Variants in STIM1 observed in about 807,000 individuals in gnomAD.
The protein encoded by STIM1 is stromal interaction molecule 1.
Under a neutral mutation model 74.7 loss-of-function variants are expected in STIM1, and 25 were observed. The observed-to-expected ratio is 0.33, with a 90% CI of 0.24 to 0.47. The LOEUF (loss-of-function observed/expected upper bound fraction) is 0.47. STIM1 is among the 20% of genes least tolerant of loss of function. STIM1 has a pLI of 1.00. For missense variants in STIM1, 728 were observed against 920.8 expected (o/e 0.79, Z 2.71); for synonymous variants, 328 against 348.8 (o/e 0.94, Z 0.66).
intron 1 of STIM1, among the ~76,000 whole-genome samples, chr11:3,955,798 G>A (rs925782095): frequency 6.6e-6 from 1 of 152,018 alleles, no homozygotes. Context: ...CTGCTATGCA[G>A]CCAGGGTTGA....
At chr11:3,875,150 TTTTG>T (rs1037180683) in intron 1 of STIM1, among the ~76,000 whole-genome samples, 54 of 152,088 alleles carry the variant, frequency 3.6e-4, no homozygotes, top group Non-Finnish European at 1.8e-4. Context: ...GGTGCTTGGA[TTTTG>T]TTTGTTTGGT....
chr11:3,885,973 G>C (rs765529640), intron 1 of STIM1, among the ~76,000 whole-genome samples: 2 of 152,178 alleles, frequency 1.3e-5, no homozygotes, highest in African/African-American at 4.8e-5. Context: ...GAGCATGATC[G>C]TAGGCAAGGG....
intron 2 of STIM1, among the ~76,000 whole-genome samples, chr11:4,004,726 A>G (rs2093758998): frequency 1.3e-5 from 2 of 151,778 alleles, no homozygotes; most frequent in Non-Finnish European, 1.5e-5. Flanking sequence ...AAAAGCCAAA[A>G]TTGACAAATG....
intron 3 of STIM1, among the ~76,000 whole-genome samples, chr11:4,050,562 C>T (rs777492631): frequency 6.6e-6 from 1 of 152,088 alleles, no homozygotes; most frequent in Non-Finnish European, 1.5e-5. Flanking sequence ...ATCAGTTTGA[C>T]CTCTGGGTTC....
intron 1 of STIM1, among the ~76,000 whole-genome samples, chr11:3,938,192 C>T (rs975810439): frequency 6.6e-6 from 1 of 152,120 alleles, no homozygotes; most frequent in Non-Finnish European, 1.5e-5. Flanking sequence ...CCTGCCTTGG[C>T]CCCCCAAAGT....
intron 3 of STIM1, among the ~76,000 whole-genome samples, chr11:4,038,489 C>T (rs564567298): frequency 6.6e-6 from 1 of 152,130 alleles, no homozygotes; most frequent in Non-Finnish European, 1.5e-5. Context: ...TTAATCCTTG[C>T]ACTGTGGCTT....
At chr11:4,059,194 G>A in intron 4 of STIM1, 87 bp from the exon 5 acceptor site, 1 of 1,147,854 alleles carries the variant, frequency 8.7e-7, no homozygotes, top group Non-Finnish European at 1.3e-6. Context: ...AGAGCTAGAA[G>A]TGTTCCTGGG....
At chr11:3,863,974 G>T (rs555547481) in intron 1 of STIM1, among the ~76,000 whole-genome samples, 6 of 151,932 alleles carry the variant, frequency 3.9e-5, no homozygotes, top group South Asian at 2.1e-4. Flanking sequence ...GGTGCTATCC[G>T]CTGGGAGTCT....
intron 2 of STIM1, among the ~76,000 whole-genome samples, chr11:4,017,036 G>A (rs1467704251): frequency 6.6e-6 from 1 of 152,194 alleles, no homozygotes; most frequent in Non-Finnish European, 1.5e-5. Context: ...GCCAGGTAAG[G>A]CAATGCCCCA....
At chr11:4,034,787 C>G (rs928592363) in intron 3 of STIM1, among the ~76,000 whole-genome samples, 1 of 152,046 alleles carries the variant, frequency 6.6e-6, no homozygotes, top group African/African-American at 2.4e-5. Context: ...GTGTCAATTT[C>G]TTTAATAGGT....
At chr11:3,916,977 T>C (rs1043233410) in intron 1 of STIM1, among the ~76,000 whole-genome samples, 1 of 152,234 alleles carries the variant, frequency 6.6e-6, no homozygotes, top group Non-Finnish European at 1.5e-5. Context: ...CTTCTTTCAA[T>C]AGGGGCATTT....
intron 2 of STIM1, among the ~76,000 whole-genome samples, chr11:3,985,357 T>A (rs550873890): frequency 1.3e-5 from 2 of 152,284 alleles, no homozygotes; most frequent in East Asian, 3.9e-4. Context: ...TTTTTGTATG[T>A]GTGTATACAT....
At chr11:4,051,346 CTT>C (rs202160322) in intron 3 of STIM1, among the ~76,000 whole-genome samples, 10 of 143,388 alleles carry the variant, frequency 7.0e-5, no homozygotes, top group East Asian at 2.0e-4. Flanking sequence ...GGTAAATTGT[CTT>C]TTTTTTTTTT....
chr11:3,950,206 T>C (rs1355934137), intron 1 of STIM1, among the ~76,000 whole-genome samples: 1 of 151,296 alleles, frequency 6.6e-6, no homozygotes, highest in East Asian at 1.9e-4. Flanking sequence ...CGATCTGGGC[T>C]CACTGCAACC....
intron 3 of STIM1, among the ~76,000 whole-genome samples, chr11:4,047,649 G>T (rs2094204028): frequency 6.6e-6 from 1 of 151,450 alleles, no homozygotes; most frequent in South Asian, 2.1e-4. Flanking sequence ...CAAAGACAAA[G>T]ACAAAGACAA....
rs935077363 is a variant in STIM1 at position 4,092,539 on chromosome 11, T to TCCCA, written c.*747_*750dup. On this transcript the variant is annotated 3_prime_UTR_variant, in exon 13 of 13. Transcript: ENST00000526596. The stretch of plus-strand genomic sequence containing the variant: ...TAAGGCAGTCACTTTTTCTCTCTAC[T>TCCCA]CCCACCCACACCTGCCTCCCTCTTA... 2 of 152,880 alleles carry TCCCA rather than the reference T, an allele frequency of 1.3e-5. No individual in the cohort carries two copies. Among genetic ancestry groups the TCCCA allele is most frequent in the African/African-American group, 4.8e-5 (2 of 41,360 alleles). 9.5% of individuals were successfully genotyped at this position (152,880 alleles called of 1,614,324 possible). A position where few individuals can be genotyped will look rare whatever the true frequency, so the allele number is the denominator to read the frequency against.
At chr11:3,983,954 C>T (rs570958300) in intron 2 of STIM1, among the ~76,000 whole-genome samples, 1 of 152,088 alleles carries the variant, frequency 6.6e-6, no homozygotes, top group Non-Finnish European at 1.5e-5. Context: ...GCAACCTCCG[C>T]CTCCTGGATT....
intron 2 of STIM1, among the ~76,000 whole-genome samples, chr11:3,988,362 T>C (rs2093577368): frequency 6.6e-6 from 1 of 152,226 alleles, no homozygotes; most frequent in South Asian, 2.1e-4. Context: ...TCTTTCATAA[T>C]TGAGATTTTA....
chr11:3,856,497 T>C, intron 1 of STIM1, 88 bp downstream of exon 1: 1 of 1,502,950 alleles, frequency 6.7e-7, no homozygotes, highest in Non-Finnish European at 9.0e-7. Context: ...TCTAGGTTTG[T>C]ACATGTGAGG....
Sources: allele counts gnomAD v4.1 joint callset (sites outside exome capture counted in the v4.1 genomes callset), GRCh38; gene constraint gnomAD v4.1.1; transcripts MANE v1.5; gene names NCBI Gene and HGNC (gene_info 2026-07-23, HGNC 2026-07-21).